Variants in METTL15 observed in about 807,000 individuals in gnomAD.
METTL15 encodes the protein methyltransferase 15, mitochondrial 12S rRNA N4-cytidine, also known as 12S rRNA N(4)-cytidine methyltransferase METTL15.
Under a neutral mutation model 38.3 loss-of-function variants are expected in METTL15, and 34 were observed. The observed-to-expected ratio is 0.89, with a 90% CI of 0.68 to 1.18. The LOEUF is 1.18. Among genes scored for constraint, METTL15 ranks in the 50% most tolerant of loss-of-function variants. The probability of loss-of-function intolerance (pLI) is 0.00; values close to 1 mark genes in which losing one functional copy is unlikely to be tolerated. For missense variants in METTL15, 438 were observed against 498.4 expected (o/e 0.88, Z 1.15); for synonymous variants, 162 against 170.9 (o/e 0.95, Z 0.41).
chr11:28,218,784 T>G (rs548927274), intron 4 of METTL15, among the ~76,000 whole-genome samples: 75 of 152,272 alleles, frequency 4.9e-4, no homozygotes, highest in South Asian at 1.4e-3. Context: ...GTTGAATTTT[T>G]TCAAAGGCCT....
intron 3 of METTL15, among the ~76,000 whole-genome samples, chr11:28,117,268 TATATATATA>T: frequency 1.0e-4 from 1 of 9,930 alleles, no homozygotes; most frequent in African/African-American, 1.5e-4. Flanking sequence ...TGTATATATA[TATATATATA>T]TATATATATA....
chr11:28,159,079 C>T (rs1308960289), intron 3 of METTL15, among the ~76,000 whole-genome samples: 2 of 152,072 alleles, frequency 1.3e-5, no homozygotes, highest in East Asian at 3.9e-4. Flanking sequence ...TCTGCTGGCA[C>T]AGAGGTCTTA....
chr11:28,451,026 A>G (rs1325479570), intron 6 of METTL15, among the ~76,000 whole-genome samples: 2 of 152,220 alleles, frequency 1.3e-5, no homozygotes, highest in Admixed American at 1.3e-4. Flanking sequence ...CAGGTCAGCT[A>G]TGTTTGACTC....
chr11:28,339,038 G>A (rs987017719), intron 3 of METTL15, among the ~76,000 whole-genome samples: 2 of 152,100 alleles, frequency 1.3e-5, no homozygotes, highest in Non-Finnish European at 2.9e-5. Context: ...GGAAGTACAT[G>A]TAAATTTGAA....
intron 6 of METTL15, among the ~76,000 whole-genome samples, chr11:28,429,285 G>A (rs868310207): frequency 1.4e-4 from 22 of 151,936 alleles, no homozygotes; most frequent in South Asian, 2.1e-4. Flanking sequence ...AAGATCGAAA[G>A]TCAAGAGTAA....
At chr11:28,291,016 T>C (rs891518629) in intron 5 of METTL15, among the ~76,000 whole-genome samples, 2 of 151,598 alleles carry the variant, frequency 1.3e-5, no homozygotes, top group African/African-American at 4.8e-5. Context: ...ACAAAAACAA[T>C]CATATTCTAG....
intron 4 of METTL15, among the ~76,000 whole-genome samples, chr11:28,226,045 T>G (rs1380501852): frequency 6.6e-6 from 1 of 151,962 alleles, no homozygotes; most frequent in African/African-American, 2.4e-5. Context: ...TATAATATTT[T>G]CTTATTTAAT....
At chr11:28,425,773 C>G (rs972802054) in intron 6 of METTL15, among the ~76,000 whole-genome samples, 1 of 152,120 alleles carries the variant, frequency 6.6e-6, no homozygotes, top group Non-Finnish European at 1.5e-5. Flanking sequence ...TGTTGAGACA[C>G]TAATAGCTAG....
Position 28,296,772 on chromosome 11 carries a change from G to A in METTL15, c.619G>A (p.Ala207Thr), listed in dbSNP as rs145619211. Residue 207 changes from alanine (A) to threonine (T), a missense_variant, in exon 6 of 7, where the codon GCT becomes ACT. Physicochemically the swap from Ala to Thr is moderately conservative, Grantham distance 58. Coordinates refer to ENST00000407364, the MANE Select transcript of METTL15 (RefSeq NM_001113528.2). The part of the protein sequence containing the change: ...DGGRYPDMPT[A>T]ADVVNALDQQ... ...GCGTAGGTACCCTGACATGCCCACT[G>A]CTGCTGATGTTGTGAATGCTTTAGA... The A allele has an allele frequency of 7.9e-5, 128 of 1,613,296 alleles. 2 individuals carry two copies. In the African/African-American group the frequency reaches 1.6e-3, roughly 20 times the overall value.
intron 5 of METTL15, among the ~76,000 whole-genome samples, chr11:28,419,487 A>G (rs1850802030): frequency 6.6e-6 from 1 of 152,176 alleles, no homozygotes; most frequent in Non-Finnish European, 1.5e-5. Flanking sequence ...GACCAAAAAC[A>G]TAGATCACAA....
intron 6 of METTL15, among the ~76,000 whole-genome samples, chr11:28,329,063 T>A (rs528454230): frequency 6.6e-6 from 1 of 152,138 alleles, no homozygotes; most frequent in Non-Finnish European, 1.5e-5. Context: ...TTTAGCCTTA[T>A]GTTTTGTTCT....
intron 6 of METTL15, among the ~76,000 whole-genome samples, chr11:28,436,216 G>A (rs929518866): frequency 6.6e-6 from 1 of 152,184 alleles, no homozygotes; most frequent in African/African-American, 2.4e-5. Flanking sequence ...TCCTTTAACA[G>A]CTTCCTCACC....
chr11:28,122,182 T>TG, intron 3 of METTL15: 1 of 1,244,790 alleles, frequency 8.0e-7, no homozygotes, highest in Non-Finnish European at 1.0e-6. Context: ...ATCCTACAGG[T>TG]AAATTTAACA....
chr11:28,149,549 G>A (rs574923816), intron 3 of METTL15, among the ~76,000 whole-genome samples: 20 of 151,984 alleles, frequency 1.3e-4, no homozygotes, highest in South Asian at 1.2e-3. Flanking sequence ...CTTCTAGGCC[G>A]TGGTGCCTTC....
chr11:28,450,737 A>T (rs1408717734), intron 6 of METTL15, among the ~76,000 whole-genome samples: 1 of 152,206 alleles, frequency 6.6e-6, no homozygotes, highest in African/African-American at 2.4e-5. Context: ...ATGTATATGC[A>T]CAATATTTTT....
chr11:28,274,838 T>C (rs1453059770), intron 4 of METTL15, among the ~76,000 whole-genome samples: 1 of 151,034 alleles, frequency 6.6e-6, no homozygotes, highest in Non-Finnish European at 1.5e-5. Flanking sequence ...CTAATGTAAA[T>C]GACGAGTTAA....
At chr11:28,130,887 A>G (rs1175128045) in intron 3 of METTL15, among the ~76,000 whole-genome samples, 2 of 152,204 alleles carry the variant, frequency 1.3e-5, no homozygotes, top group Admixed American at 6.5e-5. Flanking sequence ...GTACTGTGTG[A>G]TATGAAAAAT....
At chr11:28,374,102 T>C (rs1850278250) in intron 5 of METTL15, among the ~76,000 whole-genome samples, 1 of 152,204 alleles carries the variant, frequency 6.6e-6, no homozygotes. Flanking sequence ...GGTAGTGTGA[T>C]GTCTCCAGCT....
At chr11:28,309,694 A>T (rs1181591714) in intron 6 of METTL15, among the ~76,000 whole-genome samples, 2 of 152,100 alleles carry the variant, frequency 1.3e-5, no homozygotes, top group Non-Finnish European at 2.9e-5. Flanking sequence ...CTTTCTTGTA[A>T]GGGGTAAGTG....
Sources: allele counts gnomAD v4.1 joint callset (sites outside exome capture counted in the v4.1 genomes callset), GRCh38; gene constraint gnomAD v4.1.1; transcripts MANE v1.5; gene names NCBI Gene and HGNC (gene_info 2026-07-23, HGNC 2026-07-21).